The following NASP variants were observed in gnomAD, a reference collection of about 807,000 sequenced individuals.
NASP encodes nuclear autoantigenic sperm protein, also known as NASP histone chaperone.
Under a neutral mutation model 89.5 loss-of-function variants are expected in NASP, and 24 were observed. That is an observed-to-expected ratio of 0.27 (90% CI 0.19 to 0.38). The LOEUF (loss-of-function observed/expected upper bound fraction) is 0.38. Ranked by LOEUF, NASP falls within the 10% of genes least tolerant of loss-of-function variation. NASP has a pLI of 1.00. For missense variants in NASP, 848 were observed against 921.4 expected (o/e 0.92, Z 1.03); for synonymous variants, 306 against 324.7 (o/e 0.94, Z 0.62).
intron 11 of NASP, 75 bp downstream of exon 11, chr1:45,615,546 T>A (rs1277481061): frequency 7.1e-7 from 1 of 1,418,374 alleles, no homozygotes; most frequent in Non-Finnish European, 9.6e-7. Context: ...CAGGAACTTT[T>A]CATCATGACT....
At chr1:45,598,053 C>A (rs955162042) in intron 2 of NASP, among the ~76,000 whole-genome samples, 1 of 152,150 alleles carries the variant, frequency 6.6e-6, no homozygotes, top group African/African-American at 2.4e-5. Context: ...TACCATTCTA[C>A]TAAAATAGTC....
chr1:45,614,626 C>T (rs1281736087), intron 9 of NASP, among the ~76,000 whole-genome samples: 1 of 152,138 alleles, frequency 6.6e-6, no homozygotes, highest in Non-Finnish European at 1.5e-5. Flanking sequence ...GCAACCTCCG[C>T]CACCCGGGTT....
chr1:45,591,427 C>T (rs1440217561), intron 2 of NASP, among the ~76,000 whole-genome samples, 157 bp downstream of exon 2: 1 of 152,190 alleles, frequency 6.6e-6, no homozygotes, highest in East Asian at 1.9e-4. Context: ...AATCAGGGCT[C>T]ACTACAACCT....
At chr1:45,604,207 A>G (rs1056258270) in intron 3 of NASP, among the ~76,000 whole-genome samples, 1 of 152,228 alleles carries the variant, frequency 6.6e-6, no homozygotes, top group African/African-American at 2.4e-5. Flanking sequence ...GAATTCTGCC[A>G]GTATTTTACT....
At chr1:45,593,352 G>A (rs1643600111) in intron 2 of NASP, among the ~76,000 whole-genome samples, 2 of 151,962 alleles carry the variant, frequency 1.3e-5, no homozygotes, top group Non-Finnish European at 2.9e-5. Context: ...GGCCAACATG[G>A]TGAAACCCTC....
At chr1:45,595,477 A>G (rs1643672760) in intron 2 of NASP, among the ~76,000 whole-genome samples, 1 of 152,194 alleles carries the variant, frequency 6.6e-6, no homozygotes. Flanking sequence ...ATCTGTGCCC[A>G]TATAGTCTCT....
intron 11 of NASP, among the ~76,000 whole-genome samples, 193 bp from the exon 12 acceptor site, chr1:45,616,144 C>CT (rs141950979): frequency 0.01 from 1,565 of 152,282 alleles, 20 homozygotes; most frequent in Middle Eastern, 0.027. Context: ...TATGTACACT[C>CT]TATGTATAGA....
intron 1 of NASP, chr1:45,588,623 T>A (rs1570946596): frequency 2.2e-6 from 1 of 454,480 alleles, no homozygotes; most frequent in East Asian, 7.1e-5. Context: ...ACATACTTTC[T>A]AAGTATAGTT....
chr1:45,616,306 C>G, intron 11 of NASP, 31 bp from the exon 12 acceptor site: 2 of 1,610,914 alleles, frequency 1.2e-6, no homozygotes, highest in South Asian at 1.1e-5. Flanking sequence ...GTTCTATCTT[C>G]AAACTAATTT....
intron 3 of NASP, 63 bp from the exon 4 acceptor site, chr1:45,604,873 A>ACT: frequency 8.1e-7 from 1 of 1,231,734 alleles, no homozygotes; most frequent in African/African-American, 1.5e-5. Context: ...TAACTGAAGA[A>ACT]CTAGAACTAA....
At chr1:45,608,955 C>A (rs569319086) in intron 6 of NASP, among the ~76,000 whole-genome samples, 2 of 149,160 alleles carry the variant, frequency 1.3e-5, no homozygotes, top group East Asian at 1.9e-4. Flanking sequence ...TAAAACAGGC[C>A]CCCCCCACCT....
At chr1:45,616,192 C>T (rs1443782498) in intron 11 of NASP, 145 bp from the exon 12 acceptor site, 1 of 711,450 alleles carries the variant, frequency 1.4e-6, no homozygotes, top group African/African-American at 1.8e-5. Flanking sequence ...CATAGGTGGG[C>T]CAGGGGTAGA....
rs184325932 is a variant in NASP at position 45,601,262 on chromosome 1, G to A, written c.108-993G>A. 2.6e-5 allele frequency among the ~76,000 whole-genome samples: 4 copies of A among 152,148 alleles called. No individual in the cohort carries two copies. In the East Asian group the frequency reaches 7.7e-4, roughly 29 times the overall value. On this transcript the variant is annotated intron_variant, in intron 2 of 14. Coordinates refer to ENST00000350030, the MANE Select transcript of NASP (RefSeq NM_002482.4). ...TCTTTGCCAAAGCCAAAGTCACTAAGATTTTATCCTGTATTTTCTTGTAGA... is the reference window on the plus strand; with the variant it reads ...TCTTTGCCAAAGCCAAAGTCACTAAAATTTTATCCTGTATTTTCTTGTAGA...
chr1:45,589,775 C>T (rs1570949368), intron 1 of NASP, among the ~76,000 whole-genome samples: 1 of 151,958 alleles, frequency 6.6e-6, no homozygotes, highest in East Asian at 1.9e-4. Flanking sequence ...GTGGTGGGCG[C>T]CTGTAATCCC....
At chr1:45,609,564 T>C (rs1643967563) in intron 6 of NASP, 1 of 152,226 alleles carries the variant, frequency 6.6e-6, no homozygotes, top group African/African-American at 2.4e-5. Context: ...TTAATGATTG[T>C]GAGCAAGGAT....
intron 12 of NASP, 112 bp from the exon 13 acceptor site, chr1:45,616,514 T>A: frequency 1.3e-6 from 2 of 1,491,972 alleles, no homozygotes; most frequent in Non-Finnish European, 1.9e-6. Context: ...AATTCAACAC[T>A]AGCTTGGGCA....
chr1:45,615,946 A>C (rs746675844), intron 11 of NASP, among the ~76,000 whole-genome samples: 5 of 152,222 alleles, frequency 3.3e-5, no homozygotes, highest in Non-Finnish European at 5.9e-5. Context: ...ACATATGTGT[A>C]AAATATACTT....
At chr1:45,594,782 C>T (rs1322273038) in intron 2 of NASP, 3 of 444,654 alleles carry the variant, frequency 6.7e-6, no homozygotes, top group Admixed American at 2.4e-5. Flanking sequence ...AGGTGTGAGC[C>T]ACTATGCTTG....
intron 2 of NASP, chr1:45,594,757 A>G (rs1370777784): frequency 2.2e-6 from 1 of 454,936 alleles, no homozygotes; most frequent in East Asian, 7.0e-5. Flanking sequence ...CAGCCACCTG[A>G]AGTGCTGGGA....
Sources: allele counts gnomAD v4.1 joint callset (sites outside exome capture counted in the v4.1 genomes callset), GRCh38; gene constraint gnomAD v4.1.1; transcripts MANE v1.5; gene names NCBI Gene and HGNC (gene_info 2026-07-23, HGNC 2026-07-21).